Variants in ALG8 observed in about 807,000 individuals in gnomAD.
The protein encoded by ALG8 is dolichyl pyrophosphate Glc1Man9GlcNAc2 alpha-1,3-glucosyltransferase.
Under a neutral mutation model 70.2 loss-of-function variants are expected in ALG8, and 48 were observed. The observed-to-expected ratio is 0.68, with a 90% CI of 0.54 to 0.87. The LOEUF (loss-of-function observed/expected upper bound fraction) is 0.87. ALG8 is among the 40% of genes least tolerant of loss of function. The pLI, the probability that ALG8 is intolerant of heterozygous loss-of-function variation, is 0.00. For synonymous variants in ALG8, 234 were observed against 229.0 expected, an observed-to-expected ratio of 1.02 and a Z score of -0.20; for missense variants, 572 against 608.7, an observed-to-expected ratio of 0.94 and a Z score of 0.64.
intron 2 of ALG8, among the ~76,000 whole-genome samples, chr11:78,126,721 C>G (rs1861096915): frequency 6.6e-6 from 1 of 152,024 alleles, no homozygotes; most frequent in African/African-American, 2.4e-5. Flanking sequence ...TCCTCATGTG[C>G]CAGATGAGAC....
At chr11:78,134,954 T>C (rs867280408) in intron 1 of ALG8, among the ~76,000 whole-genome samples, 5 of 152,230 alleles carry the variant, frequency 3.3e-5, no homozygotes, top group Admixed American at 6.5e-5. Flanking sequence ...ATGTTCTTAA[T>C]AGCATCTAGA....
At chr11:78,118,608 T>G (rs973054654) in intron 5 of ALG8, among the ~76,000 whole-genome samples, 1 of 88,798 alleles carries the variant, frequency 1.1e-5, no homozygotes. Context: ...AGAGCGAGAC[T>G]CATTCTCAAA....
chr11:78,102,833 C>G (rs1270430536), intron 12 of ALG8: 1 of 152,832 alleles, frequency 6.5e-6, no homozygotes, highest in African/African-American at 2.4e-5. Context: ...TGCTTGTAAT[C>G]CTAGCTGCTA....
chr11:78,135,886 T>C (rs1161858631), intron 1 of ALG8, among the ~76,000 whole-genome samples: 1 of 135,406 alleles, frequency 7.4e-6, no homozygotes, highest in Admixed American at 7.2e-5. Context: ...AGAAAAATAA[T>C]GGGTGGGTGC....
rs567478554 is a variant in ALG8, at chr11:78,123,897, CA to C, written c.368+123del. 42 of 1,093,586 alleles carry C rather than the reference CA, an allele frequency of 3.8e-5. No homozygotes were observed. In the East Asian group the frequency reaches 5.8e-4, roughly 15 times the overall value. 67.7% of individuals were successfully genotyped at this position (1,093,586 alleles called of 1,614,324 possible). Reference sequence around the variant, plus strand: ...TAGTTTAAAGCACAATACAATTTTTCATTGTTTTAGCATTTGCTATCATATA... The same window carrying C: ...TAGTTTAAAGCACAATACAATTTTTCTTGTTTTAGCATTTGCTATCATATA... On this transcript the variant is annotated intron_variant, in intron 3 of 12. Transcript: ENST00000299626.
chr11:78,115,664 C>A (rs1019410454), intron 5 of ALG8, among the ~76,000 whole-genome samples: 2 of 152,192 alleles, frequency 1.3e-5, no homozygotes, highest in Admixed American at 6.5e-5. Context: ...GGATTACAGG[C>A]ATGAGCCACT....
At position 78,124,301 on chromosome 11, in the gene ALG8, TCTTTAAAACAGCA is replaced by T. The variant is rs566683627; in HGVS notation, c.175-100_175-88del. ...CGATTTAAAATTTTTCATTCTCTGG[TCTTTAAAACAGCA>T]CAATAAGGCTGGGCGTGGTAGCTCA... On this transcript the variant is annotated intron_variant, in intron 2 of 12. Transcript: ENST00000299626. 534 of 1,378,460 alleles carry T rather than the reference TCTTTAAAACAGCA, an allele frequency of 3.9e-4. 5 individuals carry two copies. The African/African-American group carries it at 7.0e-3, about 18-fold the overall frequency. 85.4% of individuals were successfully genotyped at this position (1,378,460 alleles called of 1,614,324 possible). A position where few individuals can be genotyped will look rare whatever the true frequency, so the allele number is the denominator to read the frequency against.
In ALG8 at chr11:78,106,889, G is replaced by A; in HGVS notation, c.1096C>T (p.Leu366=). 1 of 1,614,144 alleles carries A rather than the reference G, an allele frequency of 6.2e-7. No homozygotes were observed. Among genetic ancestry groups the A allele is most frequent in the Non-Finnish European group, 8.5e-7 (1 of 1,180,010 alleles). ...AAGGAGCTCAAGGCACAAAGAGTTA[G>A]ACATCGGAGAAAGCCTCTGGGCCCT... ...PQGPRGFLRC[L]TLCALSSFMF... Residue 366 remains leucine (L), a synonymous_variant, in exon 10 of 13, where the codon CTA becomes TTA. Coordinates refer to ENST00000299626, the MANE Select transcript of ALG8 (RefSeq NM_024079.5).
At chr11:78,137,415 T>C (rs1052685516) in intron 1 of ALG8, 3 of 152,224 alleles carry the variant, frequency 2.0e-5, no homozygotes, top group African/African-American at 7.2e-5. Context: ...CACTTTTAGT[T>C]TCCTTCAAGA....
At chr11:78,103,890 C>A in intron 12 of ALG8, 90 bp downstream of exon 12, 1 of 723,848 alleles carries the variant, frequency 1.4e-6, no homozygotes. Flanking sequence ...ACTGTTATAA[C>A]TTAAAAATAA....
chr11:78,136,965 G>A (rs910539133), intron 1 of ALG8, among the ~76,000 whole-genome samples: 2 of 151,184 alleles, frequency 1.3e-5, no homozygotes, highest in Non-Finnish European at 2.9e-5. Flanking sequence ...GCAATAGCGC[G>A]ATCTCAGCTC....
intron 2 of ALG8, 121 bp from the exon 3 acceptor site, chr11:78,124,335 G>A: frequency 1.0e-6 from 1 of 975,504 alleles, no homozygotes; most frequent in South Asian, 1.4e-5. Context: ...GGGCGTGGTA[G>A]CTCACACCTG....
rs1226851650 is a variant in ALG8, at chr11:78,104,443, C to A, written c.1189G>T (p.Val397Leu). 3 of 1,585,998 alleles carry A rather than the reference C, an allele frequency of 1.9e-6. No individual in the cohort carries two copies. The highest frequency in any genetic ancestry group is 1.3e-5 in the African/African-American group (1 of 74,428). ...LAILPMSLLSVGKAGDASIFL... is the reference protein window; with the variant it reads ...LAILPMSLLSLGKAGDASIFL... ...ATCGAAGCGTCTCCTGCTTTTCCCA[C>A]AGACAAAAGGCTAAAAATAAAAATA... Residue 397 changes from valine (V) to leucine (L), a missense_variant, in exon 11 of 13, where the codon GTG becomes TTG. Val to Leu is a conservative substitution (Grantham distance 32). Transcript: ENST00000299626.
intron 1 of ALG8, among the ~76,000 whole-genome samples, chr11:78,136,549 A>G (rs1861561930): frequency 6.6e-6 from 1 of 152,128 alleles, no homozygotes; most frequent in African/African-American, 2.4e-5. Context: ...GAAAAAAAAA[A>G]TGTTTCTGAG....
At chr11:78,111,140 T>C (rs771996658) in intron 8 of ALG8, among the ~76,000 whole-genome samples, 1 of 152,148 alleles carries the variant, frequency 6.6e-6, no homozygotes, top group African/African-American at 2.4e-5. Context: ...CAAGTACTTA[T>C]CAAAAACAGT....
intron 5 of ALG8, among the ~76,000 whole-genome samples, chr11:78,118,343 C>T (rs1860671184): frequency 6.6e-6 from 1 of 152,090 alleles, no homozygotes; most frequent in Admixed American, 6.6e-5. Context: ...GGGCTGGGCA[C>T]AGTGGCTCAT....
chr11:78,112,271 C>A, intron 8 of ALG8: 1 of 319,508 alleles, frequency 3.1e-6, no homozygotes. Flanking sequence ...CAGTGAGACC[C>A]TGTCTCTAAA....
chr11:78,112,674 A>G lies in ALG8; in HGVS notation c.874T>C (p.Leu292=), dbSNP rs762318795. 4 of 1,614,052 alleles carry G rather than the reference A, an allele frequency of 2.5e-6. No individual in the cohort carries two copies. Among genetic ancestry groups the G allele is most frequent in the East Asian group, 2.2e-5 (1 of 44,876 alleles). Residue 292 remains leucine (L), a synonymous_variant, in exon 8 of 13, where the codon TTG becomes CTG. Coordinates refer to ENST00000299626, the MANE Select transcript of ALG8 (RefSeq NM_024079.5). ...CCGATGACAGACAGCACTTTGTCCA[A>G]AGCATTGTACAAAGCCCAGAAGTTT... The part of the protein sequence containing the change: ...APNFWALYNA[L]DKVLSVIGLK...
Position 78,139,570 on chromosome 11 carries a change from C to G in ALG8, c.19G>C (p.Ala7Pro). MAALTI[A>P]TGTGNWFSAL... ...GAAAACCAATTGCCAGTACCCGTGG[C>G]AATTGTGAGCGCCGCCATTGCTGCG... The change falls in exon 1 of 13, where the codon GCC becomes CCC. Residue 7 changes from alanine to proline, a missense_variant. Coordinates refer to ENST00000299626, the MANE Select transcript of ALG8 (RefSeq NM_024079.5). 6.4e-7 allele frequency: 1 copy of G among 1,557,424 alleles called. No individual in the cohort carries two copies. Among genetic ancestry groups the G allele is most frequent in the Non-Finnish European group, 8.7e-7 (1 of 1,150,096 alleles).
Sources: gnomAD v4.1 joint callset for allele counts (sites outside exome capture counted in the v4.1 genomes callset) on GRCh38, gnomAD v4.1.1 for gene constraint, MANE v1.5 for transcripts, NCBI Gene and HGNC (gene_info 2026-07-23, HGNC 2026-07-21) for gene names.